ACTN4: variants seen among roughly 807,000 people sequenced by gnomAD.
ACTN4 encodes alpha-actinin-4.
ACTN4 carries 18 observed loss-of-function variants against 114.2 expected under a neutral mutation model. The observed-to-expected ratio is 0.16, with a 90% CI of 0.11 to 0.23. The LOEUF is 0.23. ACTN4 is among the 10% of genes least tolerant of loss of function. ACTN4 has a pLI of 1.00. For synonymous variants in ACTN4, 515 were observed against 506.3 expected (o/e 1.02, Z -0.23); for missense variants, 722 against 1,262.9 (o/e 0.57, Z 6.49).
chr19:38,718,492 T>C (rs1300744048), intron 11 of ACTN4, among the ~76,000 whole-genome samples: 2 of 152,036 alleles, frequency 1.3e-5, no homozygotes, highest in Non-Finnish European at 2.9e-5. Flanking sequence ...GCCGTGATTG[T>C]ACCACTGCAC....
chr19:38,706,866 A>C (rs1968477956), intron 5 of ACTN4, among the ~76,000 whole-genome samples: 1 of 152,188 alleles, frequency 6.6e-6, no homozygotes, highest in South Asian at 2.1e-4. Flanking sequence ...GGTGAGCGGG[A>C]GATGAGACAT....
At chr19:38,685,528 C>T (rs971334625) in intron 1 of ACTN4, among the ~76,000 whole-genome samples, 5 of 152,182 alleles carry the variant, frequency 3.3e-5, no homozygotes, top group Non-Finnish European at 7.3e-5. Flanking sequence ...GAGCACCCAA[C>T]CTCTGGATCG....
chr19:38,722,501 G>A (rs192535067), intron 12 of ACTN4, among the ~76,000 whole-genome samples: 1 of 152,276 alleles, frequency 6.6e-6, no homozygotes, highest in African/African-American at 2.4e-5. Flanking sequence ...TGCCCCAGTG[G>A]AGCCCCATGC....
chr19:38,722,911 T>C (rs1969095725), intron 12 of ACTN4, among the ~76,000 whole-genome samples: 2 of 152,326 alleles, frequency 1.3e-5, no homozygotes, highest in Admixed American at 6.5e-5. Flanking sequence ...AAGGGAGGGC[T>C]GTCCGGGTCC....
intron 1 of ACTN4, among the ~76,000 whole-genome samples, chr19:38,693,225 G>A (rs1005540257): frequency 2.0e-5 from 3 of 152,132 alleles, no homozygotes; most frequent in Non-Finnish European, 4.4e-5. Flanking sequence ...TGAAGCCTGC[G>A]ATCCAGTCTG....
At chr19:38,726,222 A>G (rs1431402241) in intron 17 of ACTN4, among the ~76,000 whole-genome samples, 2 of 147,524 alleles carry the variant, frequency 1.4e-5, no homozygotes, top group Non-Finnish European at 3.0e-5. Context: ...AGGGAGGCAG[A>G]GGTTGAGGTG....
At chr19:38,673,724 T>TATTTATA (rs1568690978) in intron 1 of ACTN4, among the ~76,000 whole-genome samples, 2 of 44,406 alleles carry the variant, frequency 4.5e-5, no homozygotes, top group African/African-American at 1.2e-4. Flanking sequence ...TATTTATATA[T>TATTTATA]ACTTATATAT....
At chr19:38,661,774 T>C (rs1020480056) in intron 1 of ACTN4, among the ~76,000 whole-genome samples, 9 of 152,216 alleles carry the variant, frequency 5.9e-5, no homozygotes, top group South Asian at 2.1e-4. Context: ...TGCCTCAGCC[T>C]CCCGAGTAGC....
chr19:38,723,580 T>C (rs763946039), intron 12 of ACTN4, 34 bp from the exon 13 acceptor site: 3 of 1,524,628 alleles, frequency 2.0e-6, no homozygotes, highest in Admixed American at 1.8e-5. Context: ...CACTTGCCCT[T>C]GCCGAGTCTC....
chr19:38,730,675 TTC>T lies in ACTN4; in HGVS notation c.*1245_*1246del. 1.4e-6 allele frequency: 1 copy of T among 699,090 alleles called. No individual in the cohort carries two copies. Among genetic ancestry groups the T allele is most frequent in the Non-Finnish European group, 2.4e-6 (1 of 412,404 alleles). 43.3% of individuals were successfully genotyped at this position (699,090 alleles called of 1,614,324 possible). A position where few individuals can be genotyped will look rare whatever the true frequency, so the allele number is the denominator to read the frequency against. ...CGAGAAGGGCTGTCGCTGTTCTTGT[TTC>T]TGAGTGAGGAGTACGCAGGCCAGAG... is the stretch of plus-strand genomic sequence containing the variant. On this transcript the variant is annotated 3_prime_UTR_variant, in exon 21 of 21. Transcript: ENST00000252699.
intron 20 of ACTN4, 27 bp downstream of exon 20, chr19:38,729,181 G>A: frequency 6.8e-6 from 11 of 1,612,824 alleles, no homozygotes; most frequent in Non-Finnish European, 9.3e-6. Context: ...CGAGGTGCAT[G>A]GGGGCTGGCG....
intron 1 of ACTN4, among the ~76,000 whole-genome samples, chr19:38,676,992 C>T (rs904024672): frequency 6.6e-6 from 1 of 152,214 alleles, no homozygotes; most frequent in African/African-American, 2.4e-5. Context: ...GTTTTCTCCT[C>T]TCTGTGCTCC....
At chr19:38,721,410 A>T in intron 11 of ACTN4, 128 bp from the exon 12 acceptor site, 1 of 1,147,958 alleles carries the variant, frequency 8.7e-7, no homozygotes, top group Non-Finnish European at 1.3e-6. Context: ...TTTCCATGCC[A>T]CTGTCATTGG....
At chr19:38,692,106 G>T (rs985363322) in intron 1 of ACTN4, among the ~76,000 whole-genome samples, 1 of 152,236 alleles carries the variant, frequency 6.6e-6, no homozygotes, top group Non-Finnish European at 1.5e-5. Context: ...CAACTGCGAA[G>T]TCAGAGCTTT....
rs372417221 is a variant in ACTN4, at chr19:38,728,042, C to T, written c.2418+16C>T. 1.4e-4 allele frequency: 218 copies of T among 1,599,802 alleles called. 1 individual carries two copies. The highest frequency in any genetic ancestry group is 1.8e-4 in the Non-Finnish European group (209 of 1,173,704). On this transcript the variant is annotated intron_variant, in intron 19 of 20. Transcript: ENST00000252699. ...CGACCGGCAGGTACTGCACCCTGGG[C>T]CCCAGCGGACCATGGCATTAACTGC...
Position 38,673,680 on chromosome 19 carries a change from AT to A in ACTN4, c.162+25776del, listed in dbSNP as rs1172184699. ...TTATATATATTATATATATTTATAT[AT>A]TTATATATATTATATATATTTATAT... On this transcript the variant is annotated intron_variant, in intron 1 of 20. Coordinates refer to ENST00000252699, the MANE Select transcript of ACTN4 (RefSeq NM_004924.6). Among the ~76,000 whole-genome samples, 18 of 103,478 alleles carry A rather than the reference AT, an allele frequency of 1.7e-4. 3 individuals carry two copies. The highest frequency in any genetic ancestry group is 6.8e-4 in the African/African-American group (15 of 22,062). 67.9% of individuals were successfully genotyped at this position (103,478 alleles called of 152,430 possible).
intron 1 of ACTN4, among the ~76,000 whole-genome samples, chr19:38,668,594 G>T (rs1967035280): frequency 6.6e-6 from 1 of 152,186 alleles, no homozygotes; most frequent in Non-Finnish European, 1.5e-5. Flanking sequence ...GCTGAGGCAG[G>T]GGAATTGCTT....
intron 1 of ACTN4, among the ~76,000 whole-genome samples, chr19:38,676,103 A>G (rs1967367238): frequency 6.6e-6 from 1 of 152,124 alleles, no homozygotes; most frequent in Admixed American, 6.6e-5. Context: ...GTTCTGTGGG[A>G]TCTGGAGTCC....
chr19:38,718,116 G>T, intron 11 of ACTN4, 42 bp downstream of exon 11: 1 of 1,573,592 alleles, frequency 6.4e-7, no homozygotes. Context: ...CCCCGCTCCC[G>T]TGCTCCCCTC....
Sources: gnomAD v4.1 joint callset for allele counts (sites outside exome capture counted in the v4.1 genomes callset) on GRCh38, gnomAD v4.1.1 for gene constraint, MANE v1.5 for transcripts, NCBI Gene and HGNC (gene_info 2026-07-23, HGNC 2026-07-21) for gene names.